ZWILCH: variants seen among roughly 807,000 people sequenced by gnomAD.
ZWILCH encodes the protein protein zwilch homolog.
A neutral mutation model predicts 79.9 loss-of-function variants in ZWILCH; 74 were observed. The observed-to-expected ratio is 0.93, with a 90% confidence interval of 0.77 to 1.12. ZWILCH has a LOEUF of 1.12. Among genes scored for constraint, ZWILCH ranks in the 50% most tolerant of loss-of-function variants. The pLI is 0.00. For missense variants in ZWILCH, 694 were observed against 687.5 expected (o/e 1.01, Z -0.11); for synonymous variants, 241 against 228.2 (o/e 1.06, Z -0.51).
At chr15:66,543,311 T>A (rs1895252975) in intron 17 of ZWILCH, among the ~76,000 whole-genome samples, 1 of 152,188 alleles carries the variant, frequency 6.6e-6, no homozygotes, top group Admixed American at 6.6e-5. Context: ...GTGGTATTGC[T>A]TATGGTAGCA....
intron 8 of ZWILCH, among the ~76,000 whole-genome samples, chr15:66,526,250 A>G (rs1406162162): frequency 6.6e-6 from 1 of 152,174 alleles, no homozygotes; most frequent in African/African-American, 2.4e-5. Context: ...ATATGAAGTT[A>G]AAAAACTTTT....
At chr15:66,526,907 C>G (rs1894693336) in intron 8 of ZWILCH, among the ~76,000 whole-genome samples, 1 of 152,156 alleles carries the variant, frequency 6.6e-6, no homozygotes, top group Non-Finnish European at 1.5e-5. Flanking sequence ...GCCAAAGTTG[C>G]AAGCATCTCC....
Position 66,548,848 on chromosome 15 carries a change from T to A in ZWILCH, c.*524T>A, listed in dbSNP as rs773411956. On this transcript the variant is annotated 3_prime_UTR_variant, in exon 19 of 19. Coordinates refer to ENST00000307897, the MANE Select transcript of ZWILCH (RefSeq NM_017975.5). ...TGCCTGAATTTGGTTCTTCTACAGG[T>A]GCTATAATAAAGTCCATCTCTCAAT... 1.1e-5 allele frequency: 3 copies of A among 270,004 alleles called. No individual in the cohort carries two copies. The highest frequency in any genetic ancestry group is 2.1e-5 in the Non-Finnish European group (3 of 141,952). 16.7% of individuals were successfully genotyped at this position (270,004 alleles called of 1,614,324 possible).
chr15:66,531,121 A>T (rs1894837731), intron 12 of ZWILCH, among the ~76,000 whole-genome samples: 2 of 152,262 alleles, frequency 1.3e-5, no homozygotes, highest in Non-Finnish European at 2.9e-5. Flanking sequence ...CATTTGGAAC[A>T]CAAATTAAAT....
At position 66,505,338 on chromosome 15, in the gene ZWILCH, G is replaced by T; in HGVS notation, c.-1G>T. Reference sequence around the variant, plus strand: ...CGGTACCGCTCTCACATTGGGGCGGGATGTGGGAGCGGCTGAACTGCGCAG... The same window carrying T: ...CGGTACCGCTCTCACATTGGGGCGGTATGTGGGAGCGGCTGAACTGCGCAG... On this transcript the variant is annotated 5_prime_UTR_variant, in exon 1 of 19. Coordinates refer to ENST00000307897, the MANE Select transcript of ZWILCH (RefSeq NM_017975.5). 2 of 1,613,872 alleles carry T rather than the reference G, an allele frequency of 1.2e-6. No homozygotes were observed. The highest frequency in any genetic ancestry group is 8.5e-7 in the Non-Finnish European group (1 of 1,180,004).
In ZWILCH at chr15:66,523,750, T is replaced by A; in HGVS notation, c.819+2T>A. 6.3e-7 allele frequency: 1 copy of A among 1,599,484 alleles called. No homozygotes were observed. The highest frequency in any genetic ancestry group is 1.1e-5 in the South Asian group (1 of 90,200). On this transcript the variant is annotated splice_donor_variant, in intron 8 of 18. Transcript: ENST00000307897. LOFTEE classifies it high-confidence loss of function. ...TACAGAGAACTGAAATTTCTTCTTG[T>A]GAGTATCCTTCTAGAATTCCTTTCC... is the stretch of plus-strand genomic sequence containing the variant.
chr15:66,515,635 G>A lies in ZWILCH; in HGVS notation c.311G>A (p.Gly104Glu), dbSNP rs1454401251. 6.2e-7 allele frequency: 1 copy of A among 1,611,362 alleles called. No homozygotes were observed. Among genetic ancestry groups the A allele is most frequent in the African/African-American group, 1.3e-5 (1 of 74,812 alleles). ...ENVGPLALPVGKARQLIGLYT... is the reference protein window; with the variant it reads ...ENVGPLALPVEKARQLIGLYT... ...GTTGGACCACTTGCTTTACCAGTTG[G>A]GAAGGCAAGGTAGGTTTTCTCTTAT... Residue 104 changes from glycine to glutamate, a missense_variant, in exon 4 of 19, where the codon GGG becomes GAG. Coordinates refer to ENST00000307897, the MANE Select transcript of ZWILCH (RefSeq NM_017975.5).
chr15:66,547,712 C>G (rs1227305084), intron 18 of ZWILCH: 1 of 152,114 alleles, frequency 6.6e-6, no homozygotes, highest in African/African-American at 2.4e-5. Flanking sequence ...TGCTCATTTA[C>G]TTGGTACCCA....
At chr15:66,515,484 A>G (rs376920511) in intron 3 of ZWILCH, 42 bp from the exon 4 acceptor site, 26 of 1,251,620 alleles carry the variant, frequency 2.1e-5, no homozygotes, top group Non-Finnish European at 3.0e-5. Flanking sequence ...GCTATCCTAT[A>G]TGCTCTTTTG....
chr15:66,520,565 C>T (rs1304297172), intron 5 of ZWILCH, 25 bp from the exon 6 acceptor site: 2 of 1,259,466 alleles, frequency 1.6e-6, no homozygotes, highest in East Asian at 2.4e-5. Context: ...TGTGCCTTTA[C>T]ATTTCTTTCT....
intron 1 of ZWILCH, among the ~76,000 whole-genome samples, chr15:66,507,425 G>A (rs1050237434): frequency 6.6e-6 from 1 of 152,146 alleles, no homozygotes; most frequent in African/African-American, 2.4e-5. Context: ...AGTGCTACAA[G>A]TTATTCACAG....
intron 16 of ZWILCH, among the ~76,000 whole-genome samples, chr15:66,538,105 G>T (rs577651966): frequency 6.6e-6 from 1 of 152,254 alleles, no homozygotes; most frequent in African/African-American, 2.4e-5. Flanking sequence ...TCATCCACAT[G>T]GACACTGAGG....
At chr15:66,520,559 C>A in intron 5 of ZWILCH, 31 bp from the exon 6 acceptor site, 2 of 1,155,856 alleles carry the variant, frequency 1.7e-6, no homozygotes, top group African/African-American at 1.5e-5. Context: ...TTGAGTTGTG[C>A]CTTTACATTT....
chr15:66,545,523 T>G (rs1895342147), intron 17 of ZWILCH, among the ~76,000 whole-genome samples: 1 of 152,220 alleles, frequency 6.6e-6, no homozygotes, highest in Non-Finnish European at 1.5e-5. Context: ...AAAGTTATTT[T>G]GAATGTTGGA....
chr15:66,512,719 T>A (rs1189969704), intron 2 of ZWILCH, among the ~76,000 whole-genome samples: 1 of 152,082 alleles, frequency 6.6e-6, no homozygotes, highest in Admixed American at 6.6e-5. Context: ...GCAATTCTCC[T>A]GGCTTAGCCT....
intron 4 of ZWILCH, 106 bp downstream of exon 4, chr15:66,515,750 T>G: frequency 1.3e-6 from 1 of 772,126 alleles, no homozygotes; most frequent in Non-Finnish European, 2.3e-6. Context: ...TCTTCCTTCA[T>G]CTCCCCCACC....
Position 66,540,135 on chromosome 15 carries a change from G to A in ZWILCH, c.1612G>A (p.Gly538Ser), listed in dbSNP as rs775924197. ...PQKWRVEIYS[G>S]QKKIKTVWQL... ...GAAATGGAGAGTGGAAATATATAGTGGTCAAAAGAAGATTAAGACAGTTTG... is the reference window on the plus strand; with the variant it reads ...GAAATGGAGAGTGGAAATATATAGTAGTCAAAAGAAGATTAAGACAGTTTG... The change falls in exon 17 of 19, where the codon GGT becomes AGT. Residue 538 changes from glycine to serine, a missense_variant. By Grantham distance (56) the Gly-to-Ser change is moderately conservative. Transcript: ENST00000307897. The A allele has an allele frequency of 9.9e-6, 16 of 1,613,082 alleles. No individual in the cohort carries two copies. In the South Asian group the frequency reaches 1.6e-4, roughly 17 times the overall value.
intron 14 of ZWILCH, among the ~76,000 whole-genome samples, chr15:66,534,509 T>C (rs1269643294): frequency 6.6e-6 from 1 of 152,184 alleles, no homozygotes; most frequent in Non-Finnish European, 1.5e-5. Context: ...GATTTCCTTA[T>C]TGTTCAAATT....
chr15:66,530,977 T>C (rs1268111327), intron 12 of ZWILCH, among the ~76,000 whole-genome samples: 1 of 152,236 alleles, frequency 6.6e-6, no homozygotes, highest in Non-Finnish European at 1.5e-5. Flanking sequence ...TACCATGTAC[T>C]ATTAGTGCAA....
Sources: gnomAD v4.1 joint callset for allele counts (sites outside exome capture counted in the v4.1 genomes callset) on GRCh38, gnomAD v4.1.1 for gene constraint, MANE v1.5 for transcripts, NCBI Gene and HGNC (gene_info 2026-07-23, HGNC 2026-07-21) for gene names.